The following NUTF2 variants were observed in gnomAD, a reference collection of about 807,000 sequenced individuals.
NUTF2 encodes placental protein 15.
A neutral mutation model predicts 18.5 loss-of-function variants in NUTF2; 3 were observed. The observed-to-expected ratio is 0.16, with a 90% CI of 0.07 to 0.42. The LOEUF (loss-of-function observed/expected upper bound fraction) is 0.42, where lower values mean the gene tolerates loss of function less well. Ranked by LOEUF, NUTF2 falls within the 10% of genes least tolerant of loss-of-function variation. The probability of loss-of-function intolerance (pLI) is 0.99; values close to 1 mark genes in which losing one functional copy is unlikely to be tolerated. For missense variants in NUTF2, 44 were observed against 160.7 expected (o/e 0.27, Z 3.93); for synonymous variants, 51 against 57.9 (o/e 0.88, Z 0.54).
At chr16:67,866,883 C>T (rs973102398) in intron 2 of NUTF2, among the ~76,000 whole-genome samples, 2 of 152,198 alleles carry the variant, frequency 1.3e-5, no homozygotes, top group African/African-American at 4.8e-5. Context: ...GCTGGGATTA[C>T]AGGTGTGAGT....
At chr16:67,860,961 G>A (rs1372431546) in intron 1 of NUTF2, among the ~76,000 whole-genome samples, 1 of 152,228 alleles carries the variant, frequency 6.6e-6, no homozygotes, top group Non-Finnish European at 1.5e-5. Context: ...TAGGTTTGAT[G>A]TGGAACTCTT....
intron 1 of NUTF2, among the ~76,000 whole-genome samples, chr16:67,854,978 A>C (rs2057885206): frequency 1.3e-5 from 2 of 150,524 alleles, no homozygotes; most frequent in South Asian, 4.2e-4. Context: ...CTTTAAGCTG[A>C]GGTTGAGCCG....
chr16:67,847,304 G>T (rs981730886), intron 1 of NUTF2: 2 of 152,384 alleles, frequency 1.3e-5, no homozygotes, highest in African/African-American at 4.8e-5. Flanking sequence ...GGGGCCTTAG[G>T]GCCCCGCCCC....
At chr16:67,870,165 T>TA (rs943710617) in intron 4 of NUTF2, 1 of 152,414 alleles carries the variant, frequency 6.6e-6, no homozygotes, top group African/African-American at 2.4e-5. Flanking sequence ...CGGCTTCAGG[T>TA]TCTTCCTGGT....
At chr16:67,849,893 C>G (rs2057840214) in intron 1 of NUTF2, among the ~76,000 whole-genome samples, 1 of 151,528 alleles carries the variant, frequency 6.6e-6, no homozygotes, top group East Asian at 2.0e-4. Flanking sequence ...CTCCTGACCT[C>G]GTGATCCGCC....
intron 1 of NUTF2, among the ~76,000 whole-genome samples, chr16:67,857,305 G>C (rs1261255139): frequency 1.3e-5 from 2 of 152,144 alleles, no homozygotes; most frequent in Non-Finnish European, 2.9e-5. Flanking sequence ...GATTCAGCTG[G>C]GCCAGTCAGG....
At chr16:67,858,166 A>ATTAT (rs1280121224) in intron 1 of NUTF2, among the ~76,000 whole-genome samples, 2 of 152,146 alleles carry the variant, frequency 1.3e-5, no homozygotes, top group Non-Finnish European at 2.9e-5. Flanking sequence ...CAGCTACTTT[A>ATTAT]TTATTTATTT....
rs2058012246 is a variant in NUTF2, at chr16:67,871,432, A to C, written c.*519A>C. The C allele has an allele frequency of 6.6e-6, 1 of 152,518 alleles. No homozygotes were observed. The highest frequency in any genetic ancestry group is 1.5e-5 in the Non-Finnish European group (1 of 68,274). The allele number at this position is 152,518 out of a possible 1,614,324, so 9.4% of individuals were successfully genotyped here. ...TGCCCCAACTCTGAATACCTGTTGCAGGGAGAAACTGCTGAAGCAGCACTC... is the reference window on the plus strand; with the variant it reads ...TGCCCCAACTCTGAATACCTGTTGCCGGGAGAAACTGCTGAAGCAGCACTC... On this transcript the variant is annotated 3_prime_UTR_variant, in exon 5 of 5. Coordinates refer to ENST00000219169, the MANE Select transcript of NUTF2 (RefSeq NM_005796.3).
chr16:67,853,482 C>T (rs2057874848), intron 1 of NUTF2, among the ~76,000 whole-genome samples: 1 of 152,150 alleles, frequency 6.6e-6, no homozygotes, highest in South Asian at 2.1e-4. Context: ...CTTAGCCTCC[C>T]AAGTAGTTGG....
intron 1 of NUTF2, among the ~76,000 whole-genome samples, chr16:67,860,048 C>T (rs900129125): frequency 6.6e-6 from 1 of 151,360 alleles, no homozygotes; most frequent in Non-Finnish European, 1.5e-5. Flanking sequence ...GGTGCAATCT[C>T]CACTCACTGC....
chr16:67,850,645 C>T (rs941126925), intron 1 of NUTF2, among the ~76,000 whole-genome samples: 2 of 152,204 alleles, frequency 1.3e-5, no homozygotes, highest in Non-Finnish European at 2.9e-5. Context: ...TCTCCAGGAT[C>T]TATCTGCATC....
chr16:67,855,896 G>C (rs531195836), intron 1 of NUTF2: 6 of 454,804 alleles, frequency 1.3e-5, no homozygotes, highest in South Asian at 3.8e-5. Flanking sequence ...GCGGGGGGGG[G>C]GGATGGGGGA....
chr16:67,855,229 C>T (rs2057887260), intron 1 of NUTF2, among the ~76,000 whole-genome samples: 1 of 152,038 alleles, frequency 6.6e-6, no homozygotes, highest in Non-Finnish European at 1.5e-5. Flanking sequence ...TATTATTCAC[C>T]CTCTTTTTCC....
At chr16:67,849,360 G>A (rs888773644) in intron 1 of NUTF2, among the ~76,000 whole-genome samples, 1 of 152,194 alleles carries the variant, frequency 6.6e-6, no homozygotes, top group Non-Finnish European at 1.5e-5. Flanking sequence ...TTTTTCTCTC[G>A]AGACGGAGTC....
chr16:67,866,856 C>G (rs2057975842), intron 2 of NUTF2, among the ~76,000 whole-genome samples: 2 of 152,194 alleles, frequency 1.3e-5, no homozygotes, highest in South Asian at 4.1e-4. Flanking sequence ...GATCTGCCTG[C>G]CTTGGCTTCC....
chr16:67,865,298 A>G, intron 2 of NUTF2, 69 bp downstream of exon 2: 1 of 1,102,748 alleles, frequency 9.1e-7, no homozygotes, highest in Non-Finnish European at 1.4e-6. Context: ...CAGTGTGTCC[A>G]GTTCACAAGT....
intron 1 of NUTF2, among the ~76,000 whole-genome samples, chr16:67,858,224 A>G (rs546936673): frequency 2.0e-5 from 3 of 152,268 alleles, no homozygotes; most frequent in Non-Finnish European, 2.9e-5. Context: ...CTGGAGTGCA[A>G]TGGCATGATC....
chr16:67,865,085 T>C lies in NUTF2; in HGVS notation c.-29-17T>C, dbSNP rs771834148. On this transcript the variant is annotated splice_polypyrimidine_tract_variant and intron_variant, in intron 1 of 4. Transcript: ENST00000219169. ...CATGGTACCAATGCTTCCCTCCTGGTCTCATTGGTCTTGCAGGTCTCCGTG... is the reference window on the plus strand; with the variant it reads ...CATGGTACCAATGCTTCCCTCCTGGCCTCATTGGTCTTGCAGGTCTCCGTG... 1.6e-6 allele frequency: 2 copies of C among 1,290,276 alleles called. No individual in the cohort carries two copies. The highest frequency in any genetic ancestry group is 2.4e-5 in the South Asian group (2 of 83,436). 79.9% of individuals were successfully genotyped at this position (1,290,276 alleles called of 1,614,324 possible). A position where few individuals can be genotyped will look rare whatever the true frequency, so the allele number is the denominator to read the frequency against.
intron 1 of NUTF2, among the ~76,000 whole-genome samples, chr16:67,853,712 A>G (rs1373525545): frequency 1.3e-5 from 2 of 151,716 alleles, no homozygotes; most frequent in Admixed American, 1.3e-4. Flanking sequence ...AAGTCTCACT[A>G]TCTTGCCCAG....
Sources: gnomAD v4.1 joint callset for allele counts (sites outside exome capture counted in the v4.1 genomes callset) on GRCh38, gnomAD v4.1.1 for gene constraint, MANE v1.5 for transcripts, NCBI Gene and HGNC (gene_info 2026-07-23, HGNC 2026-07-21) for gene names.